The following CIMIP6 variants were observed in gnomAD, a reference collection of about 807,000 sequenced individuals.
The protein encoded by CIMIP6 is uncharacterized protein C2orf73.
At chr2:54,351,517 C>T in the CIMIP6 span, among the ~76,000 whole-genome samples, 3 of 151,920 alleles carry the variant, frequency 2.0e-5, no homozygotes, top group East Asian at 1.9e-4. Context: ...AGCAAACTAA[C>T]GCAGGAACAA....
chr2:54,381,957 T>A, the CIMIP6 span: 5 of 1,547,624 alleles, frequency 3.2e-6, no homozygotes, highest in South Asian at 6.0e-5. Flanking sequence ...TTTCATGCCA[T>A]CTTATTTTCT....
the CIMIP6 span, among the ~76,000 whole-genome samples, chr2:54,361,874 T>C: frequency 1.3e-5 from 2 of 152,194 alleles, no homozygotes; most frequent in African/African-American, 4.8e-5. Context: ...TGGAAACTTA[T>C]GTCCTCCAAA....
At chr2:54,355,362 G>A in the CIMIP6 span, among the ~76,000 whole-genome samples, 1 of 151,874 alleles carries the variant, frequency 6.6e-6, no homozygotes, top group Non-Finnish European at 1.5e-5. Flanking sequence ...ACCCAACTAG[G>A]GTGTAAAATT....
chr2:54,360,495 C>T, the CIMIP6 span: 1 of 1,569,910 alleles, frequency 6.4e-7, no homozygotes, highest in Non-Finnish European at 8.6e-7. Flanking sequence ...GCCACTCAAA[C>T]AACTGTAGGA....
At chr2:54,347,495 T>C in the CIMIP6 span, among the ~76,000 whole-genome samples, 3 of 152,206 alleles carry the variant, frequency 2.0e-5, no homozygotes, top group African/African-American at 7.2e-5. Context: ...TTAACTTTCT[T>C]TGGTAGCCAA....
chr2:54,349,822 C>G, the CIMIP6 span, among the ~76,000 whole-genome samples: 1 of 152,000 alleles, frequency 6.6e-6, no homozygotes, highest in Admixed American at 6.6e-5. Context: ...CTTTCTCCCC[C>G]CTTTATTTCC....
chr2:54,355,481 T>C, the CIMIP6 span, among the ~76,000 whole-genome samples: 720 of 152,280 alleles, frequency 4.7e-3, 11 homozygotes, highest in East Asian at 0.069. Context: ...TTTGGTATTC[T>C]GTGAGCTCTT....
the CIMIP6 span, among the ~76,000 whole-genome samples, chr2:54,341,425 C>T: frequency 6.6e-6 from 1 of 152,198 alleles, no homozygotes; most frequent in South Asian, 2.1e-4. Context: ...TGATCTTGGA[C>T]TTCCCAGCCT....
chr2:54,338,436 A>G, the CIMIP6 span, among the ~76,000 whole-genome samples: 6 of 30,734 alleles, frequency 2.0e-4, 3 homozygotes, highest in South Asian at 3.3e-3. Context: ...CCCCATCTCT[A>G]AAAACAAATT....
chr2:54,341,810 T>A, the CIMIP6 span, among the ~76,000 whole-genome samples: 2 of 152,144 alleles, frequency 1.3e-5, no homozygotes, highest in Non-Finnish European at 2.9e-5. Flanking sequence ...ATCCTAGACC[T>A]TGGGGTGTAA....
chr2:54,358,910 A>G, the CIMIP6 span: 1 of 891,474 alleles, frequency 1.1e-6, no homozygotes, highest in East Asian at 2.7e-5. Flanking sequence ...TTATATGTCC[A>G]TAAACAAATC....
chr2:54,345,920 T>C, the CIMIP6 span, among the ~76,000 whole-genome samples: 162 of 152,286 alleles, frequency 1.1e-3, no homozygotes, highest in Middle Eastern at 3.4e-3. Context: ...AGTATCAACA[T>C]GGAATCAGGC....
At chr2:54,347,934 T>C in the CIMIP6 span, among the ~76,000 whole-genome samples, 4 of 152,344 alleles carry the variant, frequency 2.6e-5, no homozygotes, top group South Asian at 8.3e-4. Context: ...TATTGCTACT[T>C]ATCCATCTGT....
At chr2:54,345,000 T>C in the CIMIP6 span, among the ~76,000 whole-genome samples, 1 of 152,184 alleles carries the variant, frequency 6.6e-6, no homozygotes, top group Non-Finnish European at 1.5e-5. Context: ...AAATATTAAC[T>C]CATTTAATTC....
At chr2:54,357,813 T>A in the CIMIP6 span, among the ~76,000 whole-genome samples, 2 of 151,608 alleles carry the variant, frequency 1.3e-5, no homozygotes, top group Non-Finnish European at 2.9e-5. Flanking sequence ...TCTCGATCTC[T>A]TGACCTTGTG....
the CIMIP6 span, among the ~76,000 whole-genome samples, chr2:54,374,663 G>A: frequency 6.6e-6 from 1 of 152,184 alleles, no homozygotes; most frequent in Non-Finnish European, 1.5e-5. Flanking sequence ...AGAAAAGGCT[G>A]GGATAAGCCT....
the CIMIP6 span, among the ~76,000 whole-genome samples, chr2:54,358,172 G>T: frequency 6.6e-6 from 1 of 152,104 alleles, no homozygotes; most frequent in Non-Finnish European, 1.5e-5. Flanking sequence ...GTTATTGGGC[G>T]AAATGAAAAG....
the CIMIP6 span, among the ~76,000 whole-genome samples, chr2:54,365,575 C>T: frequency 6.6e-6 from 1 of 152,174 alleles, no homozygotes; most frequent in Admixed American, 6.6e-5. Flanking sequence ...CTTCTGCTCT[C>T]ACCATGTGAT....
At chr2:54,348,059 A>C in the CIMIP6 span, among the ~76,000 whole-genome samples, 2 of 152,160 alleles carry the variant, frequency 1.3e-5, no homozygotes, top group East Asian at 1.9e-4. Context: ...TGGGGAAAGA[A>C]TGGGGGAAAT....
Sources: gnomAD v4.1 joint callset for allele counts (sites outside exome capture counted in the v4.1 genomes callset) on GRCh38, gnomAD v4.1.1 for gene constraint, MANE v1.5 for transcripts, NCBI Gene and HGNC (gene_info 2026-07-23, HGNC 2026-07-21) for gene names.